The following MIPOL1 variants were observed in gnomAD, a reference collection of about 807,000 sequenced individuals.
The protein encoded by MIPOL1 is mirror-image polydactyly 1, also known as mirror-image polydactyly gene 1 protein.
Under a neutral mutation model 60.9 loss-of-function variants are expected in MIPOL1, and 57 were observed. The ratio of observed to expected loss-of-function variants is 0.94; its 90% CI spans 0.76 to 1.17. The LOEUF is 1.17. MIPOL1 is among the 50% of genes most tolerant of loss of function. The pLI is 0.00. For missense variants in MIPOL1, 551 were observed against 511.6 expected (o/e 1.08, Z -0.74); for synonymous variants, 179 against 168.8 (o/e 1.06, Z -0.47).
At chr14:37,334,034 A>G (rs2089932404) in intron 9 of MIPOL1, among the ~76,000 whole-genome samples, 1 of 152,086 alleles carries the variant, frequency 6.6e-6, no homozygotes, top group Admixed American at 6.6e-5. Context: ...ACTAGAAAAG[A>G]TATTTAGAAT....
chr14:37,235,381 C>T (rs1256396277), intron 1 of MIPOL1, among the ~76,000 whole-genome samples: 1 of 152,040 alleles, frequency 6.6e-6, no homozygotes, highest in Middle Eastern at 3.2e-3. Flanking sequence ...AATATTTAAT[C>T]CCTCTGTGTT....
At chr14:37,230,137 T>C (rs1203736646) in intron 1 of MIPOL1, among the ~76,000 whole-genome samples, 1 of 152,204 alleles carries the variant, frequency 6.6e-6, no homozygotes, top group Non-Finnish European at 1.5e-5. Context: ...CATTCCACAA[T>C]GTATATTTCA....
At chr14:37,478,053 A>T (rs2153596127) in intron 11 of MIPOL1, among the ~76,000 whole-genome samples, 1 of 152,360 alleles carries the variant, frequency 6.6e-6, no homozygotes, top group South Asian at 2.1e-4. Context: ...TATTGGAGAA[A>T]CTGGACAGCA....
chr14:37,443,749 C>CAA (rs752472741), intron 11 of MIPOL1, among the ~76,000 whole-genome samples: 41 of 70,648 alleles, frequency 5.8e-4, no homozygotes, highest in African/African-American at 1.3e-3. Context: ...ATGATAGGCT[C>CAA]AAAAAAAAAA....
intron 9 of MIPOL1, among the ~76,000 whole-genome samples, chr14:37,339,149 CAAAG>C (rs1464839943): frequency 6.6e-6 from 1 of 151,990 alleles, no homozygotes; most frequent in African/African-American, 2.4e-5. Flanking sequence ...GATACGCAAA[CAAAG>C]AAAATGAGCA....
chr14:37,516,079 G>T (rs565509544), intron 12 of MIPOL1, among the ~76,000 whole-genome samples: 36 of 152,252 alleles, frequency 2.4e-4, no homozygotes, highest in African/African-American at 7.9e-4. Context: ...CAATTCAAAC[G>T]CAGACTCTAA....
intron 9 of MIPOL1, among the ~76,000 whole-genome samples, chr14:37,366,955 A>T (rs1003668797): frequency 5.3e-5 from 8 of 151,954 alleles, no homozygotes; most frequent in Non-Finnish European, 8.8e-5. Flanking sequence ...GTTTTGTCTG[A>T]TATAAGCATA....
At chr14:37,203,956 A>G (rs1965690188) in intron 1 of MIPOL1, among the ~76,000 whole-genome samples, 1 of 151,904 alleles carries the variant, frequency 6.6e-6, no homozygotes, top group African/African-American at 2.4e-5. Context: ...CTAATTTTTT[A>G]TATTTTTAGT....
intron 1 of MIPOL1, among the ~76,000 whole-genome samples, chr14:37,220,290 CAT>C (rs1351040885): frequency 6.6e-6 from 1 of 152,084 alleles, no homozygotes; most frequent in African/African-American, 2.4e-5. Flanking sequence ...TCGTCTCAAA[CAT>C]GTACATATAA....
chr14:37,437,478 A>C lies in MIPOL1; in HGVS notation c.1031+14529A>C, dbSNP rs188597755. Among the ~76,000 whole-genome samples, 502 of 152,328 alleles carry C rather than the reference A, an allele frequency of 3.3e-3. 3 individuals carry two copies. Among genetic ancestry groups the C allele is most frequent in the African/African-American group, 0.012 (486 of 41,578 alleles). On this transcript the variant is annotated intron_variant, in intron 11 of 12. Transcript: ENST00000684589. ...GATTTTGTCCTAGAAAGTTGGACGC[A>C]CTGTTCACTTAAATTATAATTAATA...
chr14:37,465,099 A>C (rs1035339432), intron 11 of MIPOL1, among the ~76,000 whole-genome samples: 1 of 152,210 alleles, frequency 6.6e-6, no homozygotes. Flanking sequence ...TCAGAGATCA[A>C]AATCAATATA....
chr14:37,455,154 G>T (rs566074659), intron 11 of MIPOL1, among the ~76,000 whole-genome samples: 1 of 152,166 alleles, frequency 6.6e-6, no homozygotes, highest in Non-Finnish European at 1.5e-5. Flanking sequence ...AAAATGGAAG[G>T]CAGCAATGTC....
At chr14:37,236,013 G>A (rs936563416) in intron 1 of MIPOL1, among the ~76,000 whole-genome samples, 13 of 150,850 alleles carry the variant, frequency 8.6e-5, no homozygotes, top group East Asian at 7.9e-4. Flanking sequence ...TGCAACCTCC[G>A]CCTCCCGGGT....
intron 9 of MIPOL1, among the ~76,000 whole-genome samples, chr14:37,320,281 G>A (rs910692891): frequency 4.6e-5 from 7 of 152,124 alleles, no homozygotes; most frequent in African/African-American, 1.7e-4. Flanking sequence ...ATGTAAGTGA[G>A]TTGTTCCAGC....
intron 11 of MIPOL1, among the ~76,000 whole-genome samples, chr14:37,436,573 A>T (rs1302503067): frequency 1.3e-5 from 2 of 152,204 alleles, no homozygotes; most frequent in African/African-American, 4.8e-5. Flanking sequence ...ACAGTACAAG[A>T]TCTAATAAAC....
chr14:37,489,223 A>G (rs886757942), intron 11 of MIPOL1, among the ~76,000 whole-genome samples: 5 of 152,110 alleles, frequency 3.3e-5, no homozygotes, highest in Admixed American at 2.6e-4. Flanking sequence ...TCAGTCTCTG[A>G]TATCCTTTCT....
intron 6 of MIPOL1, among the ~76,000 whole-genome samples, chr14:37,273,467 C>T (rs971750619): frequency 6.6e-6 from 1 of 150,970 alleles, no homozygotes; most frequent in African/African-American, 2.4e-5. Context: ...GGCTGTGATC[C>T]AGTTTTGCCA....
intron 1 of MIPOL1, among the ~76,000 whole-genome samples, chr14:37,213,131 A>G (rs957430956): frequency 6.6e-6 from 1 of 152,206 alleles, no homozygotes; most frequent in East Asian, 1.9e-4. Context: ...GAAGACTACA[A>G]TAAATACCTA....
intron 12 of MIPOL1, among the ~76,000 whole-genome samples, chr14:37,509,772 T>A (rs1280269002): frequency 6.6e-6 from 1 of 151,298 alleles, no homozygotes; most frequent in Non-Finnish European, 1.5e-5. Flanking sequence ...TGTATGTTTG[T>A]GTGTATATAC....
Sources: allele counts gnomAD v4.1 joint callset (sites outside exome capture counted in the v4.1 genomes callset), GRCh38; gene constraint gnomAD v4.1.1; transcripts MANE v1.5; gene names NCBI Gene and HGNC (gene_info 2026-07-23, HGNC 2026-07-21).